The following ENTPD1 variants were observed in gnomAD, a reference collection of about 807,000 sequenced individuals.
ENTPD1 encodes ectonucleoside triphosphate diphosphohydrolase 1.
ENTPD1 carries 33 observed loss-of-function variants against 57.0 expected under a neutral mutation model. The observed-to-expected ratio is 0.58, with a 90% CI of 0.44 to 0.77. The LOEUF (loss-of-function observed/expected upper bound fraction) is 0.77. Ranked by LOEUF, ENTPD1 falls within the 30% of genes least tolerant of loss-of-function variation. The pLI is 0.00. For synonymous variants in ENTPD1, 202 were observed against 218.8 expected (o/e 0.92, Z 0.68); for missense variants, 501 against 603.4 (o/e 0.83, Z 1.78).
At chr10:95,731,289 G>A (rs1396440056) in intron 1 of ENTPD1, among the ~76,000 whole-genome samples, 2 of 152,058 alleles carry the variant, frequency 1.3e-5, no homozygotes, top group African/African-American at 4.8e-5. Flanking sequence ...GTTAGGTTCA[G>A]CAGGAGATTG....
intron 7 of ENTPD1, among the ~76,000 whole-genome samples, chr10:95,859,137 A>G (rs2098460842): frequency 6.6e-6 from 1 of 152,228 alleles, no homozygotes; most frequent in African/African-American, 2.4e-5. Context: ...ATGTTATTAG[A>G]TATATATGTA....
intron 1 of ENTPD1, among the ~76,000 whole-genome samples, chr10:95,803,088 G>A (rs1168878849): frequency 1.3e-5 from 2 of 152,258 alleles, no homozygotes; most frequent in African/African-American, 2.4e-5. Flanking sequence ...TTCTAGTTCT[G>A]TGAAGAATCT....
intron 1 of ENTPD1, among the ~76,000 whole-genome samples, chr10:95,759,148 A>G (rs2098044533): frequency 6.6e-6 from 1 of 152,216 alleles, no homozygotes; most frequent in Non-Finnish European, 1.5e-5. Context: ...GCTGATGCTC[A>G]TTTGAGACCT....
At chr10:95,844,216 A>G (rs964321462) in intron 4 of ENTPD1, among the ~76,000 whole-genome samples, 4 of 152,178 alleles carry the variant, frequency 2.6e-5, no homozygotes, top group African/African-American at 7.2e-5. Context: ...TTCAGAACAA[A>G]AGTGGTATTT....
chr10:95,737,749 G>T (rs1012452419), intron 1 of ENTPD1, among the ~76,000 whole-genome samples: 2 of 152,104 alleles, frequency 1.3e-5, no homozygotes, highest in African/African-American at 2.4e-5. Context: ...TCATTCTAAA[G>T]AATTTTGTTT....
intron 8 of ENTPD1, among the ~76,000 whole-genome samples, chr10:95,864,222 G>A (rs1590210931): frequency 6.6e-6 from 1 of 152,158 alleles, no homozygotes; most frequent in Admixed American, 6.5e-5. Flanking sequence ...CTGTGCACGT[G>A]AATCACCTGG....
chr10:95,806,627 A>G (rs1432504345), intron 1 of ENTPD1, among the ~76,000 whole-genome samples: 1 of 152,112 alleles, frequency 6.6e-6, no homozygotes, highest in Non-Finnish European at 1.5e-5. Context: ...TTGTGGTTTT[A>G]TCTACTTTTG....
chr10:95,739,186 C>T (rs1401896115), intron 1 of ENTPD1, among the ~76,000 whole-genome samples: 1 of 152,212 alleles, frequency 6.6e-6, no homozygotes, highest in Non-Finnish European at 1.5e-5. Context: ...ATGTTAATAG[C>T]TGCTGACTGA....
rs2098476549 is a variant in ENTPD1 at position 95,868,273 on chromosome 10, A to G, written c.*1890A>G. On this transcript the variant is annotated 3_prime_UTR_variant, in exon 10 of 10. Coordinates refer to ENST00000371205, the MANE Select transcript of ENTPD1 (RefSeq NM_001776.6). ...CCAGGCTGTCTCCTCATAACTTCCA[A>G]GCATGCACTTAAAACTCCACATGAA... 1 of 985,444 alleles carries G rather than the reference A, an allele frequency of 1.0e-6. No homozygotes were observed. Among genetic ancestry groups the G allele is most frequent in the Non-Finnish European group, 1.2e-6 (1 of 829,936 alleles). 61.0% of individuals were successfully genotyped at this position (985,444 alleles called of 1,614,324 possible).
At chr10:95,816,761 T>G (rs932696750) in intron 1 of ENTPD1, among the ~76,000 whole-genome samples, 1 of 152,202 alleles carries the variant, frequency 6.6e-6, no homozygotes, top group African/African-American at 2.4e-5. Flanking sequence ...AGAATACATT[T>G]CTGTTTGAAG....
intron 2 of ENTPD1, among the ~76,000 whole-genome samples, chr10:95,834,497 A>C (rs931932911): frequency 2.6e-5 from 4 of 152,166 alleles, no homozygotes; most frequent in African/African-American, 9.7e-5. Flanking sequence ...GGGCAACTGC[A>C]AGCAGGCCAG....
chr10:95,806,313 A>G (rs2098272324), intron 1 of ENTPD1, among the ~76,000 whole-genome samples: 1 of 152,172 alleles, frequency 6.6e-6, no homozygotes, highest in African/African-American at 2.4e-5. Context: ...TGTGTCACAT[A>G]GTTCTTGTGC....
At chr10:95,772,635 A>G (rs551844494) in intron 1 of ENTPD1, among the ~76,000 whole-genome samples, 1 of 152,256 alleles carries the variant, frequency 6.6e-6, no homozygotes, top group South Asian at 2.1e-4. Context: ...TCTCCACTGA[A>G]GTCTTGAGCC....
chr10:95,836,001 A>G (rs1239896548), intron 2 of ENTPD1, among the ~76,000 whole-genome samples: 1 of 152,126 alleles, frequency 6.6e-6, no homozygotes, highest in Non-Finnish European at 1.5e-5. Flanking sequence ...TAATTTTTGT[A>G]TATTGTGAGA....
chr10:95,856,733 AATC>A lies in ENTPD1; in HGVS notation c.1075-3733_1075-3731del, dbSNP rs2098455645. On this transcript the variant is annotated intron_variant, in intron 7 of 9. Coordinates refer to ENST00000371205, the MANE Select transcript of ENTPD1 (RefSeq NM_001776.6). ...ACTACTCAGCCATAAAAAGGAATGAAATCATGGCATTTGCAGCAAGGACACATG... is the reference window on the plus strand; with the variant it reads ...ACTACTCAGCCATAAAAAGGAATGAAATGGCATTTGCAGCAAGGACACATG... Among the ~76,000 whole-genome samples the A allele has an allele frequency of 2.7e-5, 4 of 150,406 alleles. No individual in the cohort carries two copies. The Admixed American group carries it at 2.7e-4, about 10-fold the overall frequency.
chr10:95,864,669 G>C lies in ENTPD1; in HGVS notation c.1189-55G>C, dbSNP rs2098470965. The stretch of plus-strand genomic sequence containing the variant: ...ATCAGGGCTAGTAGAGAAAAAGAGG[G>C]CCACAGAGAGGTGCCTATCATACGA... On this transcript the variant is annotated intron_variant, in intron 8 of 9. Transcript: ENST00000371205. 8.7e-6 allele frequency: 14 copies of C among 1,611,022 alleles called. No homozygotes were observed. In the South Asian group the frequency reaches 1.4e-4, roughly 16 times the overall value.
intron 1 of ENTPD1, among the ~76,000 whole-genome samples, chr10:95,738,391 G>A (rs146487261): frequency 0.011 from 1,697 of 152,270 alleles, 17 homozygotes; most frequent in Middle Eastern, 0.041. Flanking sequence ...ATGAAGTATG[G>A]CAGTAGGCAA....
intron 1 of ENTPD1, among the ~76,000 whole-genome samples, chr10:95,724,312 T>G (rs1589646021): frequency 6.6e-6 from 1 of 152,080 alleles, no homozygotes; most frequent in South Asian, 2.1e-4. Flanking sequence ...GAATAGCAAG[T>G]GAAAGTGGTC....
At chr10:95,820,393 A>T (rs1416807372) in intron 1 of ENTPD1, among the ~76,000 whole-genome samples, 3 of 152,230 alleles carry the variant, frequency 2.0e-5, no homozygotes, top group African/African-American at 7.2e-5. Flanking sequence ...AAAGGCTTGC[A>T]TATATTCTGG....
Sources: gnomAD v4.1 joint callset for allele counts (sites outside exome capture counted in the v4.1 genomes callset) on GRCh38, gnomAD v4.1.1 for gene constraint, MANE v1.5 for transcripts, NCBI Gene and HGNC (gene_info 2026-07-23, HGNC 2026-07-21) for gene names.